Variants in MAD1L1 observed in about 807,000 individuals in gnomAD.
The protein encoded by MAD1L1 is mitotic arrest deficient 1 like 1, also known as mitotic spindle assembly checkpoint protein MAD1.
A neutral mutation model predicts 96.9 loss-of-function variants in MAD1L1; 95 were observed. The observed-to-expected ratio is 0.98, with a 90% CI of 0.83 to 1.16. The LOEUF (loss-of-function observed/expected upper bound fraction) is 1.16, where lower values mean the gene tolerates loss of function less well. MAD1L1 is among the 50% of genes most tolerant of loss of function. MAD1L1 has a pLI of 0.00. For missense variants in MAD1L1, 1,007 were observed against 954.4 expected (o/e 1.06, Z -0.73); for synonymous variants, 473 against 396.6 (o/e 1.19, Z -2.29).
intron 11 of MAD1L1, among the ~76,000 whole-genome samples, chr7:2,094,908 G>C (rs141498519): frequency 4.2e-4 from 64 of 152,328 alleles, no homozygotes; most frequent in African/African-American, 1.5e-3. Context: ...TCCTGACCGG[G>C]TGATGGTGAT....
intron 12 of MAD1L1, among the ~76,000 whole-genome samples, chr7:2,043,849 A>G (rs543335912): frequency 2.0e-5 from 3 of 152,344 alleles, no homozygotes; most frequent in Non-Finnish European, 4.4e-5. Flanking sequence ...GCCCAGGGCT[A>G]CTGAACAGGG....
chr7:2,055,466 C>A (rs1415335174), intron 12 of MAD1L1, among the ~76,000 whole-genome samples: 2 of 152,032 alleles, frequency 1.3e-5, no homozygotes. Context: ...AGGCTGCACC[C>A]CAGAGCTACC....
At chr7:2,059,303 A>G (rs1451289384) in intron 12 of MAD1L1, among the ~76,000 whole-genome samples, 46 of 59,988 alleles carry the variant, frequency 7.7e-4, no homozygotes, top group East Asian at 1.2e-3. Flanking sequence ...TGTGGCCAGA[A>G]GAGAGAAGCA....
chr7:2,056,394 CCTCTGCTCTG>C (rs60120786), intron 12 of MAD1L1, among the ~76,000 whole-genome samples: 30 of 151,622 alleles, frequency 2.0e-4, no homozygotes, highest in African/African-American at 4.9e-4. Flanking sequence ...GGATGGAGGC[CCTCTGCTCTG>C]CTCTGCTCTG....
At chr7:1,824,722 C>T (rs1193917165) in intron 18 of MAD1L1, among the ~76,000 whole-genome samples, 3 of 152,224 alleles carry the variant, frequency 2.0e-5, no homozygotes, top group East Asian at 3.9e-4. Flanking sequence ...TTGTAGAATA[C>T]ACCTGCTCTC....
intron 12 of MAD1L1, among the ~76,000 whole-genome samples, chr7:2,028,121 G>T (rs942659358): frequency 6.6e-6 from 1 of 151,976 alleles, no homozygotes; most frequent in African/African-American, 2.4e-5. Flanking sequence ...AAACAATTTC[G>T]AGAGAAAATA....
intron 18 of MAD1L1, among the ~76,000 whole-genome samples, chr7:1,880,795 G>A (rs985847424): frequency 1.3e-5 from 2 of 150,248 alleles, no homozygotes; most frequent in East Asian, 1.9e-4. Context: ...TCTCACTGCT[G>A]ATGGGGAGCC....
At chr7:2,069,565 G>C (rs1206413934) in intron 11 of MAD1L1, among the ~76,000 whole-genome samples, 2 of 152,242 alleles carry the variant, frequency 1.3e-5, no homozygotes, top group Non-Finnish European at 2.9e-5. Context: ...CAGGGAGGGG[G>C]AAGGGAGCTC....
At chr7:2,139,426 G>A (rs1788916475) in intron 11 of MAD1L1, among the ~76,000 whole-genome samples, 1 of 152,148 alleles carries the variant, frequency 6.6e-6, no homozygotes, top group African/African-American at 2.4e-5. Context: ...CAGTGAAGGT[G>A]ACTCCCCCAG....
chr7:1,946,858 G>A (rs1422889730), intron 16 of MAD1L1, among the ~76,000 whole-genome samples: 1 of 152,234 alleles, frequency 6.6e-6, no homozygotes, highest in African/African-American at 2.4e-5. Flanking sequence ...GGGCTGCCTT[G>A]TAAGCCCACA....
intron 7 of MAD1L1, among the ~76,000 whole-genome samples, chr7:2,217,546 G>A (rs1261295482): frequency 6.6e-6 from 1 of 152,202 alleles, no homozygotes; most frequent in Non-Finnish European, 1.5e-5. Context: ...GGGATCTGGA[G>A]TCAACGTCTC....
chr7:1,926,631 AC>A (rs1430025030), intron 17 of MAD1L1, among the ~76,000 whole-genome samples: 2 of 152,252 alleles, frequency 1.3e-5, no homozygotes, highest in African/African-American at 2.4e-5. Flanking sequence ...GGGAAAAAAA[AC>A]ATACGATCCC....
At chr7:2,175,573 G>A (rs1790911501) in intron 10 of MAD1L1, among the ~76,000 whole-genome samples, 1 of 148,498 alleles carries the variant, frequency 6.7e-6, no homozygotes, top group African/African-American at 2.5e-5. Context: ...GTAGGTGTAT[G>A]TATTCAATCT....
chr7:1,882,542 G>A (rs1052442341), intron 18 of MAD1L1, among the ~76,000 whole-genome samples: 1 of 152,186 alleles, frequency 6.6e-6, no homozygotes, highest in Non-Finnish European at 1.5e-5. Flanking sequence ...CCCAGGGACT[G>A]CTGGGGTGGC....
intron 10 of MAD1L1, among the ~76,000 whole-genome samples, 194 bp from the exon 11 acceptor site, chr7:2,149,432 A>G (rs978877334): frequency 1.3e-5 from 2 of 152,082 alleles, no homozygotes; most frequent in Non-Finnish European, 2.9e-5. Context: ...CCCCACCCCT[A>G]TGCAACACCG....
chr7:1,940,757 C>T (rs759054197), intron 16 of MAD1L1, among the ~76,000 whole-genome samples: 17 of 152,224 alleles, frequency 1.1e-4, no homozygotes, highest in African/African-American at 3.4e-4. Flanking sequence ...AGATAACCCG[C>T]GTGTGTCCCA....
At chr7:1,974,159 C>A (rs1408198774) in intron 15 of MAD1L1, among the ~76,000 whole-genome samples, 1 of 152,206 alleles carries the variant, frequency 6.6e-6, no homozygotes, top group Admixed American at 6.5e-5. Context: ...CCCTGCTCAG[C>A]CCCCAGGAGC....
intron 17 of MAD1L1, among the ~76,000 whole-genome samples, chr7:1,934,813 G>A (rs898428727): frequency 1.3e-5 from 2 of 150,272 alleles, no homozygotes; most frequent in African/African-American, 2.5e-5. Flanking sequence ...CAGACAACAG[G>A]GGAACAAACA....
At chr7:2,029,881 T>C (rs1040630241) in intron 12 of MAD1L1, among the ~76,000 whole-genome samples, 1 of 151,908 alleles carries the variant, frequency 6.6e-6, no homozygotes, top group Non-Finnish European at 1.5e-5. Context: ...TACAATGAAA[T>C]GAGAGAGGGG....
Sources: allele counts gnomAD v4.1 joint callset (sites outside exome capture counted in the v4.1 genomes callset), GRCh38; gene constraint gnomAD v4.1.1; transcripts MANE v1.5; gene names NCBI Gene and HGNC (gene_info 2026-07-23, HGNC 2026-07-21).